Variants in COL28A1 observed in about 807,000 individuals in gnomAD.
The protein encoded by COL28A1 is collagen type XXVIII alpha 1 chain.
COL28A1 carries 161 observed loss-of-function variants against 150.2 expected under a neutral mutation model. That is an observed-to-expected ratio of 1.07 (90% CI 0.94 to 1.22). COL28A1 has a LOEUF of 1.22. Ranked by LOEUF, COL28A1 falls within the 50% of genes most tolerant of loss-of-function variation. COL28A1 has a pLI of 0.00. For synonymous variants in COL28A1, 552 were observed against 469.7 expected (o/e 1.18, Z -2.26); for missense variants, 1,617 against 1,388.3 (o/e 1.16, Z -2.62).
At chr7:7,385,957 T>A (rs1264460770) in intron 27 of COL28A1, among the ~76,000 whole-genome samples, 1 of 152,224 alleles carries the variant, frequency 6.6e-6, no homozygotes, top group African/African-American at 2.4e-5. Flanking sequence ...TGCTATCCAA[T>A]CAGACTTTTC....
intron 11 of COL28A1, among the ~76,000 whole-genome samples, chr7:7,494,230 T>G (rs1780079039): frequency 6.6e-6 from 1 of 152,212 alleles, no homozygotes; most frequent in Non-Finnish European, 1.5e-5. Context: ...TCATTTAATC[T>G]TCTAACAATC....
chr7:7,473,384 T>C (rs943688880), intron 15 of COL28A1, among the ~76,000 whole-genome samples: 1 of 152,048 alleles, frequency 6.6e-6, no homozygotes, highest in Non-Finnish European at 1.5e-5. Context: ...GCTAAGGACA[T>C]GAATACACAA....
intron 23 of COL28A1, among the ~76,000 whole-genome samples, chr7:7,435,284 A>C (rs1163495642): frequency 6.6e-6 from 1 of 152,224 alleles, no homozygotes; most frequent in Non-Finnish European, 1.5e-5. Flanking sequence ...TGTCATGCAA[A>C]TATAATTGAT....
chr7:7,492,992 TATA>T, intron 11 of COL28A1, among the ~76,000 whole-genome samples: 1 of 148,090 alleles, frequency 6.8e-6, no homozygotes, highest in Non-Finnish European at 1.5e-5. Context: ...ATACCTGTTA[TATA>T]ATATATATAC....
chr7:7,416,253 C>T (rs760363389), intron 27 of COL28A1, among the ~76,000 whole-genome samples: 2 of 152,154 alleles, frequency 1.3e-5, no homozygotes, highest in Non-Finnish European at 2.9e-5. Context: ...TGGGAGGCTT[C>T]AGGACCTGGT....
chr7:7,356,804 C>T (rs11554170), downstream of COL28A1: 16,005 of 151,966 alleles, frequency 0.11, 922 homozygotes, highest in Middle Eastern at 0.17. Context: ...ATGTAACAAA[C>T]CTGTACTTTG....
chr7:7,491,506 A>C (rs1209527632), intron 11 of COL28A1, among the ~76,000 whole-genome samples: 1 of 152,266 alleles, frequency 6.6e-6, no homozygotes. Context: ...TTTACTCAAC[A>C]GCAAGAGTTC....
At chr7:7,380,000 G>A (rs1349797297) in intron 30 of COL28A1, among the ~76,000 whole-genome samples, 2 of 152,166 alleles carry the variant, frequency 1.3e-5, no homozygotes, top group East Asian at 1.9e-4. Flanking sequence ...AATCAGCCCC[G>A]CTAGACCACA....
intron 27 of COL28A1, among the ~76,000 whole-genome samples, chr7:7,382,333 T>C (rs959083122): frequency 6.7e-6 from 1 of 149,966 alleles, no homozygotes; most frequent in East Asian, 2.0e-4. Flanking sequence ...AGAAAAAAAA[T>C]GTCATTTTAG....
intron 13 of COL28A1, 112 bp from the exon 14 acceptor site, chr7:7,477,292 C>CA (rs138237119): frequency 0.018 from 11,149 of 630,476 alleles, 456 homozygotes; most frequent in African/African-American, 0.13. Flanking sequence ...GTTTACATGC[C>CA]AAAAAAAAAT....
intron 9 of COL28A1, among the ~76,000 whole-genome samples, chr7:7,510,350 T>C (rs1393273296): frequency 6.6e-6 from 1 of 152,208 alleles, no homozygotes; most frequent in African/African-American, 2.4e-5. Flanking sequence ...AGTGGCACGA[T>C]CTTGGCTCAC....
chr7:7,354,737 T>A (rs920171832), downstream of COL28A1, among the ~76,000 whole-genome samples: 1 of 152,174 alleles, frequency 6.6e-6, no homozygotes, highest in East Asian at 1.9e-4. Flanking sequence ...TCTTACTTAA[T>A]TAATTAGCAC....
intron 22 of COL28A1, 100 bp from the exon 23 acceptor site, chr7:7,436,563 C>T: frequency 3.9e-6 from 3 of 772,570 alleles, no homozygotes; most frequent in Non-Finnish European, 7.0e-6. Flanking sequence ...AGAGCTTAAT[C>T]TGTCCATCTC....
intron 8 of COL28A1, 60 bp from the exon 9 acceptor site, chr7:7,511,195 T>C: frequency 2.3e-6 from 3 of 1,289,842 alleles, no homozygotes; most frequent in Non-Finnish European, 3.3e-6. Context: ...CTATTAAGAA[T>C]GTTTGTTTGT....
intron 30 of COL28A1, among the ~76,000 whole-genome samples, chr7:7,378,845 C>T (rs1781711033): frequency 6.6e-6 from 1 of 152,202 alleles, no homozygotes; most frequent in Admixed American, 6.5e-5. Context: ...AGGTTATGGC[C>T]ATCAGCCTGT....
Position 7,381,544 on chromosome 7 carries a change from C to T in COL28A1, c.2205G>A (p.Lys735=). The T allele has an allele frequency of 6.2e-7, 1 of 1,612,292 alleles. No homozygotes were observed. Among genetic ancestry groups the T allele is most frequent in the Non-Finnish European group, 8.5e-7 (1 of 1,178,466 alleles). Reference sequence around the variant, plus strand: ...TTCTCTAAGATCCTGAGACACTTACCTTCTGGCCTGGGAGGCCATGGCCCA... The same window carrying T: ...TTCTCTAAGATCCTGAGACACTTACTTTCTGGCCTGGGAGGCCATGGCCCA... ...GTMGHGLPGQ[K]GEHGERGDVG... The change falls in exon 28 of 35, where the codon AAG becomes AAA. Residue 735 remains lysine (K), a splice_region_variant and synonymous_variant. Transcript: ENST00000399429.
At chr7:7,341,325 T>C in the COL28A1 span, among the ~76,000 whole-genome samples, 1 of 152,220 alleles carries the variant, frequency 6.6e-6, no homozygotes, top group African/African-American at 2.4e-5. Flanking sequence ...CATTGAATTA[T>C]GTTATTTTCA....
At chr7:7,375,725 C>A (rs35702040) in intron 30 of COL28A1, among the ~76,000 whole-genome samples, 16,081 of 152,192 alleles carry the variant, frequency 0.11, 920 homozygotes, top group Middle Eastern at 0.16. Flanking sequence ...ATTCAAATTG[C>A]AACTGCAGCA....
intron 15 of COL28A1, among the ~76,000 whole-genome samples, chr7:7,473,998 CAT>C (rs1400781607): frequency 4.1e-5 from 6 of 145,232 alleles, no homozygotes; most frequent in South Asian, 2.1e-4. Flanking sequence ...TATAGTATAA[CAT>C]ATATTATAGT....
Sources: allele counts gnomAD v4.1 joint callset (sites outside exome capture counted in the v4.1 genomes callset), GRCh38; gene constraint gnomAD v4.1.1; transcripts MANE v1.5; gene names NCBI Gene and HGNC (gene_info 2026-07-23, HGNC 2026-07-21).